KIAA0930: variants seen among roughly 807,000 people sequenced by gnomAD.
KIAA0930 encodes KIAA0930.
A neutral mutation model predicts 43.9 loss-of-function variants in KIAA0930; 24 were observed. The observed-to-expected ratio is 0.55, with a 90% CI of 0.40 to 0.77. The LOEUF (loss-of-function observed/expected upper bound fraction) is 0.77, where lower values mean the gene tolerates loss of function less well. Among genes scored for constraint, KIAA0930 ranks in the 30% least tolerant of loss-of-function variants. The pLI is 0.00. For missense variants in KIAA0930, 461 were observed against 574.2 expected, an observed-to-expected ratio of 0.80 and a Z score of 2.02; for synonymous variants, 259 against 216.4, an observed-to-expected ratio of 1.20 and a Z score of -1.73.
chr22:45,225,860 T>C (rs528242804), intron 1 of KIAA0930, among the ~76,000 whole-genome samples: 41 of 152,366 alleles, frequency 2.7e-4, no homozygotes, highest in Admixed American at 2.2e-3. Context: ...ATTCCCTTCA[T>C]TGATCTGATG....
rs1221394145 is a variant in KIAA0930, at chr22:45,228,774, TCC to T, written c.64+11864_64+11865del. Among the ~76,000 whole-genome samples, 28 of 1,528 alleles carry T rather than the reference TCC, an allele frequency of 0.018. 2 individuals carry two copies. The South Asian group carries it at 0.19, about 10-fold the overall frequency. 1.0% of individuals were successfully genotyped at this position (1,528 alleles called of 152,430 possible). A position where few individuals can be genotyped will look rare whatever the true frequency, so the allele number is the denominator to read the frequency against. On this transcript the variant is annotated intron_variant, in intron 1 of 9. Transcript: ENST00000336156. ...CACTCACCCGAAAGATCCCTCCCCA[TCC>T]CCCCCAACCACCAAACACTCACCTG...
rs371999706 is a variant in KIAA0930 at position 45,203,194 on chromosome 22, G to A, written c.658-10C>T. ...GGGCGGCCACGCTCACCTGGGGGCCGGCGCGGGGCAGCCTGAGTCAGGGAG... is the reference window on the plus strand; with the variant it reads ...GGGCGGCCACGCTCACCTGGGGGCCAGCGCGGGGCAGCCTGAGTCAGGGAG... On this transcript the variant is annotated splice_polypyrimidine_tract_variant and intron_variant, in intron 6 of 9. Coordinates refer to ENST00000336156, the MANE Select transcript of KIAA0930 (RefSeq NM_001009880.2). 1.6e-5 allele frequency: 26 copies of A among 1,582,916 alleles called. No homozygotes were observed. The highest frequency in any genetic ancestry group is 9.4e-5 in the African/African-American group (7 of 74,234).
chr22:45,203,020 GTCC>G lies in KIAA0930; in HGVS notation c.819_821del (p.Glu273del). On this transcript the variant is annotated inframe_deletion, in exon 7 of 10. Coordinates refer to ENST00000336156, the MANE Select transcript of KIAA0930 (RefSeq NM_001009880.2). ...CGTGCATGGGCGAAGCTGGGCTGGA[GTCC>G]TCTTCAGTCCCACAGGGGGATGTGT... The G allele has an allele frequency of 6.2e-7, 1 of 1,612,672 alleles. No homozygotes were observed. Among genetic ancestry groups the G allele is most frequent in the Non-Finnish European group, 8.5e-7 (1 of 1,179,432 alleles).
intron 7 of KIAA0930, among the ~76,000 whole-genome samples, chr22:45,202,250 G>A (rs1038870196): frequency 5.9e-5 from 9 of 152,254 alleles, no homozygotes; most frequent in African/African-American, 2.2e-4. Context: ...GTAGAGCAAA[G>A]CAGCCAGTGG....
At position 45,203,152 on chromosome 22, in the gene KIAA0930, C is replaced by T. The variant is rs373895809; in HGVS notation, c.690G>A (p.Met230Ile). Reference sequence around the variant, plus strand: ...TGCTGTACTTGTAGAAGCCAAACGACATCTTCTGTGCCATGCGGGCGGCCA... The same window carrying T: ...TGCTGTACTTGTAGAAGCCAAACGATATCTTCTGTGCCATGCGGGCGGCCA... ...VSVAARMAQK[M>I]SFGFYKYSNM... The change falls in exon 7 of 10, where the codon ATG becomes ATA. Residue 230 changes from methionine to isoleucine, a missense_variant. Transcript: ENST00000336156. 2.9e-5 allele frequency: 47 copies of T among 1,612,460 alleles called. No homozygotes were observed. The highest frequency in any genetic ancestry group is 3.9e-5 in the Non-Finnish European group (46 of 1,179,334).
At chr22:45,226,715 A>G (rs1458668178) in intron 1 of KIAA0930, 1 of 163,500 alleles carries the variant, frequency 6.1e-6, no homozygotes, top group African/African-American at 2.4e-5. Context: ...GGCCTCCTAC[A>G]TGACCAGCTG....
chr22:45,224,523 GA>G (rs140158701), intron 1 of KIAA0930, among the ~76,000 whole-genome samples: 3,078 of 152,262 alleles, frequency 0.02, 103 homozygotes, highest in African/African-American at 0.07. Flanking sequence ...CCCGCGGTTG[GA>G]AGCTGGTGTT....
rs779156679 is a variant in KIAA0930 at position 45,205,610 on chromosome 22, G to A, written c.414+20C>T. ...TGAACTGGCAGTTAGGAGGCTGGGG[G>A]CTCTCGTGCCAGGGCTCACCTGAGA... On this transcript the variant is annotated intron_variant, in intron 4 of 9. Coordinates refer to ENST00000336156, the MANE Select transcript of KIAA0930 (RefSeq NM_001009880.2). 2.4e-5 allele frequency: 38 copies of A among 1,611,156 alleles called. No homozygotes were observed. The African/African-American group carries it at 3.3e-4, about 14-fold the overall frequency.
intron 1 of KIAA0930, among the ~76,000 whole-genome samples, chr22:45,225,214 A>C (rs2147759179): frequency 6.6e-6 from 1 of 152,062 alleles, no homozygotes; most frequent in Middle Eastern, 3.4e-3. Context: ...TGCCTCGCAG[A>C]GCCTCTCCCA....
In KIAA0930 at chr22:45,212,118, A is replaced by T. The variant is rs1281882870; in HGVS notation, c.65-11T>A. On this transcript the variant is annotated splice_polypyrimidine_tract_variant and intron_variant, in intron 1 of 9. Transcript: ENST00000336156. Reference sequence around the variant, plus strand: ...CATCCTTGAAGCACCCTGCAGAGGGAGGCCAGACAGGAGTGAGGAAGGACG... The same window carrying T: ...CATCCTTGAAGCACCCTGCAGAGGGTGGCCAGACAGGAGTGAGGAAGGACG... The T allele has an allele frequency of 2.9e-5, 46 of 1,613,644 alleles. No individual in the cohort carries two copies. The Admixed American group carries it at 7.2e-4, about 25-fold the overall frequency.
intron 7 of KIAA0930, 40 bp downstream of exon 7, chr22:45,202,950 G>C: frequency 1.3e-6 from 2 of 1,525,996 alleles, no homozygotes; most frequent in Non-Finnish European, 1.8e-6. Context: ...AAGTGAACTT[G>C]ACGGATGGGA....
chr22:45,233,825 C>T (rs1244822710), intron 1 of KIAA0930, among the ~76,000 whole-genome samples: 3 of 152,206 alleles, frequency 2.0e-5, no homozygotes, highest in African/African-American at 7.2e-5. Flanking sequence ...TCCTACCTGA[C>T]AGGGGTTATG....
intron 7 of KIAA0930, among the ~76,000 whole-genome samples, chr22:45,202,385 T>C (rs1260207707): frequency 2.0e-5 from 3 of 152,256 alleles, no homozygotes; most frequent in Non-Finnish European, 4.4e-5. Flanking sequence ...AGCCCAGTGC[T>C]ATCCCAAGAG....
chr22:45,212,535 T>A (rs988255237), intron 1 of KIAA0930: 1 of 1,373,546 alleles, frequency 7.3e-7, no homozygotes. Flanking sequence ...CCCCACCCAC[T>A]CCCCCTGGCT....
rs374710003 is a variant in KIAA0930, at chr22:45,230,044, C to T, written c.64+10596G>A. 3.5e-4 allele frequency among the ~76,000 whole-genome samples: 53 copies of T among 152,258 alleles called. 2 individuals carry two copies. The highest frequency in any genetic ancestry group is 1.2e-3 in the African/African-American group (49 of 41,550). Reference sequence around the variant, plus strand: ...CCAGGGGGCGGAGGGCGCAGTGAGCCGAGATTATGCCACTGCACTCCAGCC... The same window carrying T: ...CCAGGGGGCGGAGGGCGCAGTGAGCTGAGATTATGCCACTGCACTCCAGCC... On this transcript the variant is annotated intron_variant, in intron 1 of 9. Transcript: ENST00000336156.
intron 2 of KIAA0930, among the ~76,000 whole-genome samples, chr22:45,209,742 G>GT (rs1409704747): frequency 1.3e-5 from 2 of 152,214 alleles, no homozygotes; most frequent in Non-Finnish European, 2.9e-5. Flanking sequence ...AGCACTGAGT[G>GT]TGGGGGGGCA....
chr22:45,233,121 C>T (rs902748307), intron 1 of KIAA0930, among the ~76,000 whole-genome samples: 3 of 152,040 alleles, frequency 2.0e-5, no homozygotes, highest in East Asian at 3.9e-4. Context: ...CACATGGGGG[C>T]AGGGGTGGTA....
intron 1 of KIAA0930, chr22:45,213,633 C>CT (rs918833892): frequency 1.9e-4 from 72 of 379,086 alleles, no homozygotes; most frequent in African/African-American, 1.5e-3. Context: ...AACTTCAATT[C>CT]TTTTTTACTT....
chr22:45,227,286 C>T (rs1485297695), intron 1 of KIAA0930, among the ~76,000 whole-genome samples: 1 of 152,164 alleles, frequency 6.6e-6, no homozygotes, highest in Non-Finnish European at 1.5e-5. Context: ...ATGCTCTCCG[C>T]AGGCAACGTC....
Sources: allele counts gnomAD v4.1 joint callset (sites outside exome capture counted in the v4.1 genomes callset), GRCh38; gene constraint gnomAD v4.1.1; transcripts MANE v1.5; gene names NCBI Gene and HGNC (gene_info 2026-07-23, HGNC 2026-07-21).